The following ADK variants were observed in gnomAD, a reference collection of about 807,000 sequenced individuals.
The protein encoded by ADK is N6,N6-dimethyladenosine kinase.
Under a neutral mutation model 44.7 loss-of-function variants are expected in ADK, and 24 were observed. That is an observed-to-expected ratio of 0.54 (90% confidence interval 0.39 to 0.76). The LOEUF (loss-of-function observed/expected upper bound fraction) is 0.76. ADK is among the 30% of genes least tolerant of loss of function. The pLI, the probability that ADK is intolerant of heterozygous loss-of-function variation, is 0.00. For missense variants in ADK, 321 were observed against 425.1 expected (o/e 0.76, Z 2.15); for synonymous variants, 128 against 142.6 (o/e 0.90, Z 0.73).
At chr10:74,185,417 AAAG>A (rs1227793462) in intron 1 of ADK, among the ~76,000 whole-genome samples, 5 of 152,270 alleles carry the variant, frequency 3.3e-5, no homozygotes, top group South Asian at 2.1e-4. Flanking sequence ...GTTGAGTAGG[AAAG>A]AAGGATAGAA....
At chr10:74,277,674 C>T (rs1846752897) in intron 3 of ADK, among the ~76,000 whole-genome samples, 1 of 152,160 alleles carries the variant, frequency 6.6e-6, no homozygotes, top group Non-Finnish European at 1.5e-5. Flanking sequence ...GCTGGGATTA[C>T]AGGTGTGAGC....
At chr10:74,210,435 C>T (rs1308184839) in intron 2 of ADK, among the ~76,000 whole-genome samples, 2 of 151,338 alleles carry the variant, frequency 1.3e-5, no homozygotes, top group African/African-American at 2.4e-5. Context: ...ACATACAAAC[C>T]TTACATGAGT....
At chr10:74,286,261 A>C (rs1197143327) in intron 3 of ADK, among the ~76,000 whole-genome samples, 1 of 152,220 alleles carries the variant, frequency 6.6e-6, no homozygotes, top group African/African-American at 2.4e-5. Flanking sequence ...TATGTTGCTC[A>C]GACTGGTCTC....
intron 4 of ADK, among the ~76,000 whole-genome samples, chr10:74,378,863 G>T (rs1842894316): frequency 6.6e-6 from 1 of 151,972 alleles, no homozygotes; most frequent in Non-Finnish European, 1.5e-5. Context: ...CTGCTCAGGA[G>T]GCTAAGGTGG....
At chr10:74,273,387 T>G (rs1219161561) in intron 3 of ADK, among the ~76,000 whole-genome samples, 2 of 152,130 alleles carry the variant, frequency 1.3e-5, no homozygotes, top group Non-Finnish European at 2.9e-5. Context: ...CTTGAGGCTT[T>G]GTTGGGCCTG....
At chr10:74,362,248 C>T (rs1399757977) in intron 4 of ADK, among the ~76,000 whole-genome samples, 2 of 151,880 alleles carry the variant, frequency 1.3e-5, no homozygotes, top group Non-Finnish European at 2.9e-5. Context: ...AGCTTGCTTG[C>T]TTCCTTTTCT....
intron 7 of ADK, among the ~76,000 whole-genome samples, chr10:74,549,017 CAG>C (rs1190694330): frequency 1.3e-5 from 2 of 152,194 alleles, no homozygotes; most frequent in African/African-American, 4.8e-5. Flanking sequence ...AGAACAAAAA[CAG>C]ACATGGCTTC....
chr10:74,327,895 CTCT>C (rs1314241899), intron 4 of ADK, among the ~76,000 whole-genome samples: 1 of 151,942 alleles, frequency 6.6e-6, no homozygotes, highest in Non-Finnish European at 1.5e-5. Context: ...ACTTTAACTC[CTCT>C]TTTTCTCTCA....
chr10:74,151,229 G>T lies in ADK; in HGVS notation c.-50G>T. 1 of 1,544,492 alleles carries T rather than the reference G, an allele frequency of 6.5e-7. No individual in the cohort carries two copies. The highest frequency in any genetic ancestry group is 8.8e-7 in the Non-Finnish European group (1 of 1,142,156). On this transcript the variant is annotated 5_prime_UTR_variant, in exon 1 of 11. Transcript: ENST00000539909. ...TGCGAAGAGGGGGCGGGACCAGAGA[G>T]TGGATGGCAGAGGTGGGCTGTAGAG...
chr10:74,153,596 A>G (rs1564563564), intron 1 of ADK, among the ~76,000 whole-genome samples: 1 of 152,220 alleles, frequency 6.6e-6, no homozygotes, highest in Admixed American at 6.5e-5. Context: ...AGTGCTAGAC[A>G]TTATACTATG....
At chr10:74,241,228 GT>G (rs1331662445) in intron 3 of ADK, among the ~76,000 whole-genome samples, 12 of 152,158 alleles carry the variant, frequency 7.9e-5, no homozygotes, top group Admixed American at 7.2e-4. Flanking sequence ...TTTTAGAGCT[GT>G]TTTAGGTTCA....
At chr10:74,223,120 T>C (rs529286990) in intron 2 of ADK, among the ~76,000 whole-genome samples, 2 of 152,212 alleles carry the variant, frequency 1.3e-5, no homozygotes, top group Non-Finnish European at 2.9e-5. Flanking sequence ...CTTACAGTTA[T>C]GGAGGTTGAG....
At chr10:74,628,471 T>C (rs1302057417) in intron 9 of ADK, among the ~76,000 whole-genome samples, 1 of 151,460 alleles carries the variant, frequency 6.6e-6, no homozygotes, top group Admixed American at 6.6e-5. Context: ...CAGTAGTACC[T>C]GAAAAAAACT....
At chr10:74,673,634 A>T (rs1855264280) in intron 10 of ADK, among the ~76,000 whole-genome samples, 1 of 152,204 alleles carries the variant, frequency 6.6e-6, no homozygotes, top group Admixed American at 6.5e-5. Flanking sequence ...TGCTGTCTGT[A>T]GACAGCTTAA....
chr10:74,195,817 T>C (rs1843122416), intron 1 of ADK, among the ~76,000 whole-genome samples: 1 of 150,214 alleles, frequency 6.7e-6, no homozygotes, highest in African/African-American at 2.4e-5. Context: ...ACTGGGGCTA[T>C]AGGCACATGC....
At chr10:74,562,455 T>A (rs1850497852) in intron 7 of ADK, among the ~76,000 whole-genome samples, 1 of 152,186 alleles carries the variant, frequency 6.6e-6, no homozygotes, top group Non-Finnish European at 1.5e-5. Context: ...TATATTGGGA[T>A]GGGTGCAAAC....
intron 7 of ADK, among the ~76,000 whole-genome samples, chr10:74,547,090 A>G (rs1447532418): frequency 6.6e-6 from 1 of 152,106 alleles, no homozygotes; most frequent in Non-Finnish European, 1.5e-5. Context: ...ATGATTTACA[A>G]TCTAGGAAAG....
intron 4 of ADK, among the ~76,000 whole-genome samples, chr10:74,377,416 T>C (rs575776869): frequency 1.5e-4 from 23 of 152,284 alleles, no homozygotes; most frequent in African/African-American, 4.6e-4. Flanking sequence ...TGAGTATTCA[T>C]GAAAGGGGTT....
intron 1 of ADK, among the ~76,000 whole-genome samples, chr10:74,183,011 C>T (rs1842617895): frequency 1.3e-5 from 2 of 152,088 alleles, no homozygotes; most frequent in Admixed American, 1.3e-4. Flanking sequence ...AACCTCTGGG[C>T]TTAAGTGATC....
Sources: gnomAD v4.1 joint callset for allele counts (sites outside exome capture counted in the v4.1 genomes callset) on GRCh38, gnomAD v4.1.1 for gene constraint, MANE v1.5 for transcripts, NCBI Gene and HGNC (gene_info 2026-07-23, HGNC 2026-07-21) for gene names.